Variants in PLPBP observed in about 807,000 individuals in gnomAD.
PLPBP encodes the protein pyridoxal phosphate binding protein.
Under a neutral mutation model 31.2 loss-of-function variants are expected in PLPBP, and 21 were observed. That is an observed-to-expected ratio of 0.67 (90% CI 0.48 to 0.97). The LOEUF (loss-of-function observed/expected upper bound fraction) is 0.97. Ranked by LOEUF, PLPBP falls within the 50% of genes least tolerant of loss-of-function variation. The pLI, the probability that PLPBP is intolerant of heterozygous loss-of-function variation, is 0.00. For missense variants in PLPBP, 308 were observed against 354.4 expected (o/e 0.87, Z 1.05); for synonymous variants, 124 against 135.6 (o/e 0.91, Z 0.59).
Position 37,776,026 on chromosome 8 carries a change from C to T in PLPBP, c.696+10C>T, listed in dbSNP as rs745537131. 6.2e-7 allele frequency: 1 copy of T among 1,610,176 alleles called. No individual in the cohort carries two copies. Among genetic ancestry groups the T allele is most frequent in the Non-Finnish European group, 8.5e-7 (1 of 1,177,046 alleles). ...GGATTTCCAGCATGCGGTGAGTGTC[C>T]TGCCAGTGCCCTGTCTGCCTCGAGG... On this transcript the variant is annotated intron_variant, in intron 7 of 7. Transcript: ENST00000328195.
intron 5 of PLPBP, among the ~76,000 whole-genome samples, chr8:37,774,774 G>T (rs186830040): frequency 6.6e-6 from 1 of 152,296 alleles, no homozygotes; most frequent in Non-Finnish European, 1.5e-5. Context: ...AATGTTACTA[G>T]TATCTCCGCC....
Position 37,772,764 on chromosome 8 carries a change from A to G in PLPBP, c.329A>G (p.Asn110Ser), listed in dbSNP as rs370405023. The G allele has an allele frequency of 3.7e-6, 6 of 1,614,168 alleles. No homozygotes were observed. Among genetic ancestry groups the G allele is most frequent in the East Asian group, 4.5e-5 (2 of 44,876 alleles). ...QNVNKLMAVP[N>S]LFMLETVDSV... ...CTCTGTCTCATTACAGCTGTCCCCA[A>G]TCTCTTCATGCTGGAAACAGTGGAT... The change falls in exon 5 of 8, where the codon AAT becomes AGT. Residue 110 changes from asparagine to serine, a missense_variant. By Grantham distance (46) the Asn-to-Ser change is conservative. Transcript: ENST00000328195.
rs1382479310 is a variant in PLPBP, at chr8:37,779,064, A to G, written c.*960A>G. On this transcript the variant is annotated 3_prime_UTR_variant, in exon 8 of 8. Transcript: ENST00000328195. ...TTAGAGACAGCCTGTCTCTTAAAAA[A>G]AAAATTAATTTGGTAGTGAGAGCTT... 1 of 152,190 alleles carries G rather than the reference A, an allele frequency of 6.6e-6. No individual in the cohort carries two copies. Among genetic ancestry groups the G allele is most frequent in the East Asian group, 1.9e-4 (1 of 5,202 alleles). The allele number at this position is 152,190 out of a possible 1,614,324, so 9.4% of individuals were successfully genotyped here.
At chr8:37,772,518 C>T (rs547347356) in intron 4 of PLPBP, among the ~76,000 whole-genome samples, 2 of 152,282 alleles carry the variant, frequency 1.3e-5, no homozygotes, top group African/African-American at 4.8e-5. Context: ...TATATGCTGC[C>T]TGATCATGTA....
chr8:37,778,266 T>C lies in PLPBP; in HGVS notation c.*162T>C, dbSNP rs1031931876. 3.6e-6 allele frequency: 3 copies of C among 831,704 alleles called. No individual in the cohort carries two copies. Among genetic ancestry groups the C allele is most frequent in the African/African-American group, 3.5e-5 (2 of 57,952 alleles). The allele number at this position is 831,704 out of a possible 1,614,324, so 51.5% of individuals were successfully genotyped here. A position where few individuals can be genotyped will look rare whatever the true frequency, so the allele number is the denominator to read the frequency against. On this transcript the variant is annotated 3_prime_UTR_variant, in exon 8 of 8. Transcript: ENST00000328195. ...GTGCTTAGTCTCTGACATAGGAAGC[T>C]TGCTTCAGGCAATGGCTTTGGATTG...
chr8:37,768,127 C>T (rs1291381581), intron 4 of PLPBP, among the ~76,000 whole-genome samples: 1 of 152,016 alleles, frequency 6.6e-6, no homozygotes, highest in African/African-American at 2.4e-5. Flanking sequence ...AATGTTAAAC[C>T]AACCCTGCAC....
Position 37,772,835 on chromosome 8 carries a change from G to C in PLPBP, c.400G>C (p.Gly134Arg). The change falls in exon 5 of 8, where the codon GGT becomes CGT. Residue 134 changes from glycine (G) to arginine (R), a missense_variant. By Grantham distance (125) the Gly-to-Arg change is moderately radical. Around this residue, in one of 2 missense-constraint regions of PLPBP, gnomAD observed 188 missense variants for 259.3 expected, o/e 0.73. Coordinates refer to ENST00000328195, the MANE Select transcript of PLPBP (RefSeq NM_007198.4). ...DKVNSSWQRK[G>R]SPERLKVMVQ... ...AGTGAACAGTTCCTGGCAGAGAAAA[G>C]GTTCTCCTGAAAGGTTAAAGGTTAT... 1 of 1,614,190 alleles carries C rather than the reference G, an allele frequency of 6.2e-7. No individual in the cohort carries two copies. Among genetic ancestry groups the C allele is most frequent in the Non-Finnish European group, 8.5e-7 (1 of 1,180,022 alleles).
chr8:37,774,452 G>A lies in PLPBP; in HGVS notation c.455-887G>A, dbSNP rs1256733049. On this transcript the variant is annotated intron_variant, in intron 5 of 7. Transcript: ENST00000328195. ...GAGAATGCTTACTTCAGAGGGTGTG[G>A]TTAGGACTGAATATGATAATCCAGG... Among the ~76,000 whole-genome samples, 3 of 152,152 alleles carry A rather than the reference G, an allele frequency of 2.0e-5. No homozygotes were observed. The East Asian group carries it at 5.8e-4, about 29-fold the overall frequency.
At chr8:37,762,622 C>G, upstream of PLPBP, 1 of 1,544,726 alleles carries the variant, frequency 6.5e-7, no homozygotes, top group Non-Finnish European at 8.7e-7. Flanking sequence ...GAGCCACGGG[C>G]TGCCGGGGGC....
In PLPBP at chr8:37,762,650, T is replaced by C. The variant is rs748034104; in HGVS notation, c.-10T>C. On this transcript the variant is annotated 5_prime_UTR_variant, in exon 1 of 8. Coordinates refer to ENST00000328195, the MANE Select transcript of PLPBP (RefSeq NM_007198.4). ...CCGGGGGCCTGGGGCTCGGCGTCGG[T>C]CCCCGGGGGATGTGGAGAGCTGGCA... The C allele has an allele frequency of 6.4e-7, 1 of 1,570,314 alleles. No homozygotes were observed. The highest frequency in any genetic ancestry group is 1.2e-5 in the South Asian group (1 of 86,092).
chr8:37,763,756 T>C (rs1324009036), intron 1 of PLPBP, among the ~76,000 whole-genome samples: 1 of 152,162 alleles, frequency 6.6e-6, no homozygotes, highest in Non-Finnish European at 1.5e-5. Context: ...CGACTTGGAC[T>C]CAAACGAGGC....
chr8:37,774,165 C>T (rs376398367), intron 5 of PLPBP, among the ~76,000 whole-genome samples: 3 of 151,990 alleles, frequency 2.0e-5, no homozygotes, highest in Non-Finnish European at 2.9e-5. Flanking sequence ...GATCCGAGAT[C>T]GCGCCACTGC....
intron 5 of PLPBP, among the ~76,000 whole-genome samples, chr8:37,774,449 G>A (rs747718227): frequency 1.1e-4 from 16 of 152,212 alleles, no homozygotes; most frequent in Non-Finnish European, 2.2e-4. Context: ...TTCAGAGGGT[G>A]TGGTTAGGAC....
chr8:37,764,099 T>G (rs1432266642), intron 1 of PLPBP, among the ~76,000 whole-genome samples: 31 of 150,820 alleles, frequency 2.1e-4, no homozygotes, highest in African/African-American at 6.1e-4. Flanking sequence ...GTTGTGTTGT[T>G]TTGTTTTGTT....
rs1803961759 is a variant in PLPBP, at chr8:37,778,028, A to T, written c.752A>T (p.Asp251Val). The T allele has an allele frequency of 6.2e-7, 1 of 1,613,740 alleles. No homozygotes were observed. Among genetic ancestry groups the T allele is most frequent in the African/African-American group, 1.3e-5 (1 of 74,940 alleles). The stretch of plus-strand genomic sequence containing the variant: ...GGAAGCACGATTTTTGGAGAGCGGG[A>T]TTACTCAAAGAAACCCACCCCGGAC... Reference protein sequence around the residue: ...RIGSTIFGERDYSKKPTPDKC... With the variant: ...RIGSTIFGERVYSKKPTPDKC... The change falls in exon 8 of 8, where the codon GAT becomes GTT. Residue 251 changes from aspartate (D) to valine (V), a missense_variant. This residue lies in a region of PLPBP where 188 missense variants were observed against 259.3 expected (regional missense o/e 0.73). Coordinates refer to ENST00000328195, the MANE Select transcript of PLPBP (RefSeq NM_007198.4).
At chr8:37,766,216 G>A (rs1803623830) in intron 3 of PLPBP, 64 bp from the exon 4 acceptor site, 1 of 1,235,224 alleles carries the variant, frequency 8.1e-7, no homozygotes, top group African/African-American at 1.5e-5. Flanking sequence ...GAGTGCACGA[G>A]GCGTTTGAGC....
At position 37,762,679 on chromosome 8, in the gene PLPBP, T is replaced by A; in HGVS notation, c.20T>A (p.Met7Lys). 1 of 1,588,060 alleles carries A rather than the reference T, an allele frequency of 6.3e-7. No homozygotes were observed. The highest frequency in any genetic ancestry group is 8.5e-7 in the Non-Finnish European group (1 of 1,170,882). ...CGGGGGATGTGGAGAGCTGGCAGCA[T>A]GTCGGCCGAGCTGGGAGTCGGGTGC... The part of the protein sequence containing the change: MWRAGS[M>K]SAELGVGCAL... The change falls in exon 1 of 8, where the codon ATG (methionine) becomes AAG (lysine). Residue 7 changes from methionine (M) to lysine (K), a missense_variant. Transcript: ENST00000328195.
At position 37,779,049 on chromosome 8, in the gene PLPBP, C is replaced by T. The variant is rs1013138095; in HGVS notation, c.*945C>T. ...TACCCCCCAACTTTTTTAGAGACAGCCTGTCTCTTAAAAAAAAAATTAATT... is the reference window on the plus strand; with the variant it reads ...TACCCCCCAACTTTTTTAGAGACAGTCTGTCTCTTAAAAAAAAAATTAATT... On this transcript the variant is annotated 3_prime_UTR_variant, in exon 8 of 8. Coordinates refer to ENST00000328195, the MANE Select transcript of PLPBP (RefSeq NM_007198.4). 1 of 152,118 alleles carries T rather than the reference C, an allele frequency of 6.6e-6. No homozygotes were observed. Among genetic ancestry groups the T allele is most frequent in the Admixed American group, 6.5e-5 (1 of 15,278 alleles). The allele number at this position is 152,118 out of a possible 1,614,324, so 9.4% of individuals were successfully genotyped here. A position where few individuals can be genotyped will look rare whatever the true frequency, so the allele number is the denominator to read the frequency against.
Position 37,773,509 on chromosome 8 carries a change from G to A in PLPBP, c.454+620G>A, listed in dbSNP as rs542602600. On this transcript the variant is annotated intron_variant, in intron 5 of 7. Coordinates refer to ENST00000328195, the MANE Select transcript of PLPBP (RefSeq NM_007198.4). ...TTTTGAGACAGAGCCTCACTCTGTCGCCAGGCTGGAGTGCAGTGGCACGAT... is the reference window on the plus strand; with the variant it reads ...TTTTGAGACAGAGCCTCACTCTGTCACCAGGCTGGAGTGCAGTGGCACGAT... Among the ~76,000 whole-genome samples the A allele has an allele frequency of 3.0e-3, 325 of 106,800 alleles. 1 individual carries two copies. Among genetic ancestry groups the A allele is most frequent in the African/African-American group, 0.012 (309 of 26,838 alleles). 70.1% of individuals were successfully genotyped at this position (106,800 alleles called of 152,430 possible).
Sources: gnomAD v4.1 joint callset for allele counts (sites outside exome capture counted in the v4.1 genomes callset) on GRCh38, gnomAD v4.1.1 for gene constraint, gnomAD v4.1.1 regional missense constraint, MANE v1.5 for transcripts, NCBI Gene and HGNC (gene_info 2026-07-23, HGNC 2026-07-21) for gene names.